Variants in TUSC3 observed in about 807,000 individuals in gnomAD.
TUSC3 encodes tumor suppressor candidate 3, also known as dolichyl-diphosphooligosaccharide--protein glycosyltransferase subunit TUSC3.
TUSC3 carries 45 observed loss-of-function variants against 44.8 expected under a neutral mutation model. That is an observed-to-expected ratio of 1.00 (90% CI 0.79 to 1.29). The LOEUF is 1.29. Among genes scored for constraint, TUSC3 ranks in the 50% most tolerant of loss-of-function variants. The pLI, the probability that TUSC3 is intolerant of heterozygous loss-of-function variation, is 0.00. For synonymous variants in TUSC3, 212 were observed against 152.9 expected, an observed-to-expected ratio of 1.39 and a Z score of -2.85; for missense variants, 519 against 437.9, an observed-to-expected ratio of 1.19 and a Z score of -1.65.
chr8:15,698,693 A>G (rs1169363188), intron 6 of TUSC3, among the ~76,000 whole-genome samples: 1 of 152,186 alleles, frequency 6.6e-6, no homozygotes, highest in East Asian at 1.9e-4. Flanking sequence ...TTCTCTCATT[A>G]CTAGGTGAAA....
At chr8:15,495,226 T>C (rs1394163549) in intron 2 of TUSC3, among the ~76,000 whole-genome samples, 1 of 152,184 alleles carries the variant, frequency 6.6e-6, no homozygotes, top group Non-Finnish European at 1.5e-5. Context: ...ATTTTTGCCA[T>C]CCCTCTCTGG....
intron 1 of TUSC3, among the ~76,000 whole-genome samples, chr8:15,471,680 T>G (rs940284926): frequency 1.3e-5 from 2 of 151,712 alleles, no homozygotes; most frequent in Non-Finnish European, 2.9e-5. Context: ...AACAATCGTG[T>G]GATCTCAGCT....
At chr8:15,838,342 G>A in the TUSC3 span, among the ~76,000 whole-genome samples, 20 of 152,166 alleles carry the variant, frequency 1.3e-4, no homozygotes, top group East Asian at 3.9e-4. Context: ...CAAATACTTT[G>A]TCATTCAGAG....
intron 6 of TUSC3, among the ~76,000 whole-genome samples, chr8:15,713,827 T>C (rs1213592878): frequency 6.6e-6 from 1 of 152,098 alleles, no homozygotes; most frequent in Non-Finnish European, 1.5e-5. Context: ...GTTTTGGACT[T>C]AGGCATTTTT....
intron 5 of TUSC3, among the ~76,000 whole-genome samples, chr8:15,669,189 C>T (rs1172732251): frequency 6.6e-6 from 1 of 151,678 alleles, no homozygotes; most frequent in Non-Finnish European, 1.5e-5. Flanking sequence ...AACTTTAAAC[C>T]AGCAAACAAA....
At position 15,446,847 on chromosome 8, in the gene TUSC3, T is replaced by G. The variant is rs144885203; in HGVS notation, n.91+29542T>G. ...TTTAAAGGAGAGGCAGAAGTTCATG[T>G]GGAGAGAAAAAAAATGGAGATGAAA... On this transcript the variant is annotated intron_variant and non_coding_transcript_variant, in intron 1 of 5. Coordinates refer to the TUSC3 transcript ENST00000503191. Among the ~76,000 whole-genome samples the G allele has an allele frequency of 9.1e-3, 1,320 of 145,456 alleles. 21 individuals are homozygous for G. Among genetic ancestry groups the G allele is most frequent in the African/African-American group, 0.031 (1,234 of 39,372 alleles).
the TUSC3 span, among the ~76,000 whole-genome samples, chr8:15,804,866 G>C: frequency 6.6e-6 from 1 of 152,184 alleles, no homozygotes; most frequent in African/African-American, 2.4e-5. Context: ...ATTCTGTGAA[G>C]AATGAAATTG....
chr8:15,549,007 AAAT>A (rs1326962011), intron 1 of TUSC3, among the ~76,000 whole-genome samples: 1 of 151,706 alleles, frequency 6.6e-6, no homozygotes, highest in Admixed American at 6.6e-5. Flanking sequence ...GCTCTGTGTT[AAAT>A]AATGTGTGAA....
chr8:15,511,028 C>A (rs1289013068), intron 2 of TUSC3, among the ~76,000 whole-genome samples: 1 of 152,064 alleles, frequency 6.6e-6, no homozygotes. Context: ...AGATCCACTG[C>A]GGATAAAACA....
At chr8:15,630,911 A>C (rs1422411665) in intron 2 of TUSC3, among the ~76,000 whole-genome samples, 1 of 152,184 alleles carries the variant, frequency 6.6e-6, no homozygotes, top group Non-Finnish European at 1.5e-5. Flanking sequence ...GAAATTAACA[A>C]ATAAGGTAAA....
Position 15,478,688 on chromosome 8 carries a change from G to A in TUSC3, n.92-4698G>A, listed in dbSNP as rs538665819. ...TCTTTATCCAGGCTATTACAGATGG[G>A]TATTTGTGTTGGTTCTATGTCTTTG... On this transcript the variant is annotated intron_variant and non_coding_transcript_variant, in intron 1 of 5. Transcript: ENST00000503191. 2.6e-5 allele frequency among the ~76,000 whole-genome samples: 4 copies of A among 152,208 alleles called. No homozygotes were observed. The East Asian group carries it at 5.8e-4, about 22-fold the overall frequency.
intron 1 of TUSC3, among the ~76,000 whole-genome samples, chr8:15,422,670 G>C (rs936922972): frequency 7.2e-5 from 11 of 152,062 alleles, no homozygotes; most frequent in African/African-American, 2.4e-4. Flanking sequence ...GGTTGATTTT[G>C]TGACAGGGTC....
intron 1 of TUSC3, among the ~76,000 whole-genome samples, chr8:15,556,489 T>C (rs1399751842): frequency 2.0e-5 from 3 of 151,388 alleles, no homozygotes; most frequent in Non-Finnish European, 2.9e-5. Context: ...CTTATAGCAA[T>C]ACGATTTATA....
chr8:15,818,060 G>A, the TUSC3 span, among the ~76,000 whole-genome samples: 1 of 152,178 alleles, frequency 6.6e-6, no homozygotes, highest in Non-Finnish European at 1.5e-5. Context: ...AAAATTTCAG[G>A]TTTAAATTCT....
intron 1 of TUSC3, among the ~76,000 whole-genome samples, chr8:15,614,561 C>G (rs1050669446): frequency 6.6e-6 from 1 of 152,086 alleles, no homozygotes; most frequent in African/African-American, 2.4e-5. Context: ...TCTGTTATGT[C>G]TGGCTTCTTT....
At chr8:15,600,372 G>C (rs1409517369) in intron 1 of TUSC3, among the ~76,000 whole-genome samples, 1 of 151,674 alleles carries the variant, frequency 6.6e-6, no homozygotes, top group Non-Finnish European at 1.5e-5. Flanking sequence ...AGGACAAACA[G>C]GTTTGATTAG....
intron 1 of TUSC3, among the ~76,000 whole-genome samples, chr8:15,603,409 G>T (rs1246856285): frequency 6.6e-6 from 1 of 151,564 alleles, no homozygotes; most frequent in South Asian, 2.1e-4. Context: ...ACATGTTGCT[G>T]GTAGGAGTTA....
At chr8:15,711,870 TC>T (rs1809866702) in intron 6 of TUSC3, among the ~76,000 whole-genome samples, 1 of 151,880 alleles carries the variant, frequency 6.6e-6, no homozygotes, top group Non-Finnish European at 1.5e-5. Flanking sequence ...AGCTTCCTCC[TC>T]CCTGCCACCC....
chr8:15,529,248 G>A (rs58205959), intron 2 of TUSC3, among the ~76,000 whole-genome samples: 7,886 of 152,068 alleles, frequency 0.052, 682 homozygotes, highest in African/African-American at 0.18. Flanking sequence ...CTAATACTGT[G>A]TTTCAGATAT....
Sources: gnomAD v4.1 joint callset for allele counts (sites outside exome capture counted in the v4.1 genomes callset) on GRCh38, gnomAD v4.1.1 for gene constraint, MANE v1.5 for transcripts, NCBI Gene and HGNC (gene_info 2026-07-23, HGNC 2026-07-21) for gene names.